Variants in HIVEP1 observed in about 807,000 individuals in gnomAD.
HIVEP1 encodes zinc finger protein 40.
HIVEP1 carries 36 observed loss-of-function variants against 180.0 expected under a neutral mutation model. The observed-to-expected ratio is 0.20, with a 90% CI of 0.15 to 0.26. The LOEUF is 0.26. HIVEP1 is among the 10% of genes least tolerant of loss of function. The pLI, the probability that HIVEP1 is intolerant of heterozygous loss-of-function variation, is 1.00. For synonymous variants in HIVEP1, 1,239 were observed against 1,239.0 expected (o/e 1.00, Z 0.00); for missense variants, 3,143 against 3,268.7 (o/e 0.96, Z 0.94).
the HIVEP1 span, among the ~76,000 whole-genome samples, chr6:12,211,210 T>G: frequency 7.7e-4 from 98 of 127,872 alleles, 4 homozygotes; most frequent in Non-Finnish European, 1.2e-3. Context: ...CCATCCTGGC[T>G]AACACGGTGA....
Position 12,164,325 on chromosome 6 carries a change from A to G in HIVEP1, c.8021A>G (p.Lys2674Arg). 6.2e-7 allele frequency: 1 copy of G among 1,613,988 alleles called. No individual in the cohort carries two copies. The highest frequency in any genetic ancestry group is 8.5e-7 in the Non-Finnish European group (1 of 1,180,006). The change falls in exon 9 of 9, where the codon AAG becomes AGG. Residue 2674 changes from lysine (K) to arginine (R), a missense_variant. This residue lies in a region of HIVEP1 where 595 missense variants were observed against 602.2 expected (regional missense o/e 0.99). Coordinates refer to ENST00000379388, the MANE Select transcript of HIVEP1 (RefSeq NM_002114.4). ...AAGGCACATTCTGAAGTTTTTACAAAGCCCTCAGGCCAGCAGACTCTCTCT... is the reference window on the plus strand; with the variant it reads ...AAGGCACATTCTGAAGTTTTTACAAGGCCCTCAGGCCAGCAGACTCTCTCT... ...LLKAHSEVFT[K>R]PSGQQTLSPD...
intron 3 of HIVEP1, among the ~76,000 whole-genome samples, chr6:12,110,549 G>A (rs547561380): frequency 2.6e-5 from 4 of 152,334 alleles, no homozygotes; most frequent in African/African-American, 9.6e-5. Flanking sequence ...TCTGCTAGCT[G>A]TCAGCCTTTC....
chr6:12,107,974 C>T (rs1410099672), intron 3 of HIVEP1, among the ~76,000 whole-genome samples: 2 of 152,178 alleles, frequency 1.3e-5, no homozygotes, highest in East Asian at 3.9e-4. Context: ...TTCTCGAAGG[C>T]CCCACCAGAG....
At chr6:12,194,027 C>T in the HIVEP1 span, among the ~76,000 whole-genome samples, 3 of 147,844 alleles carry the variant, frequency 2.0e-5, no homozygotes, top group Admixed American at 7.0e-5. Flanking sequence ...GCAATTGAGT[C>T]CTTGAAATGG....
chr6:12,129,628 C>A, intron 4 of HIVEP1, 131 bp from the exon 5 acceptor site: 1 of 749,024 alleles, frequency 1.3e-6, no homozygotes, highest in East Asian at 2.7e-5. Context: ...CCCTTTGAAC[C>A]TATTACTACT....
chr6:12,017,722 C>T (rs1247336858), intron 2 of HIVEP1, among the ~76,000 whole-genome samples: 1 of 152,214 alleles, frequency 6.6e-6, no homozygotes, highest in Admixed American at 6.5e-5. Context: ...CAGGTCCCCA[C>T]TAGATTAGCT....
In HIVEP1 at chr6:12,120,331, G is replaced by A. The variant is rs1226445558; in HGVS notation, c.536G>A (p.Cys179Tyr). ...AAAACCAGGACTGACAATAGCGAATGCATCTCTTCTCATTGTGGCACTACG... is the reference window on the plus strand; with the variant it reads ...AAAACCAGGACTGACAATAGCGAATACATCTCTTCTCATTGTGGCACTACG... ...SSKTRTDNSE[C>Y]ISSHCGTTSP... Residue 179 changes from cysteine to tyrosine, a missense_variant, in exon 4 of 9, where the codon TGC becomes TAC. Transcript: ENST00000379388. 6.2e-7 allele frequency: 1 copy of A among 1,614,162 alleles called. No homozygotes were observed. The highest frequency in any genetic ancestry group is 1.1e-5 in the South Asian group (1 of 91,080).
intron 3 of HIVEP1, among the ~76,000 whole-genome samples, chr6:12,113,432 T>C (rs1561952475): frequency 6.6e-6 from 1 of 151,938 alleles, no homozygotes; most frequent in African/African-American, 2.4e-5. Context: ...GGAGAAAGTT[T>C]ACCGCAGGCT....
At chr6:12,211,386 C>A in the HIVEP1 span, among the ~76,000 whole-genome samples, 2 of 66,546 alleles carry the variant, frequency 3.0e-5, no homozygotes, top group Admixed American at 1.6e-4. Flanking sequence ...GGTGACAGAG[C>A]GAGACTCTGT....
chr6:12,130,293 T>G (rs946011852), intron 5 of HIVEP1, among the ~76,000 whole-genome samples: 2 of 152,222 alleles, frequency 1.3e-5, no homozygotes, highest in Non-Finnish European at 2.9e-5. Context: ...CTCCAAAATA[T>G]TTCAGTACTT....
intron 7 of HIVEP1, among the ~76,000 whole-genome samples, chr6:12,159,211 C>T (rs184954355): frequency 1.1e-3 from 173 of 151,928 alleles, no homozygotes; most frequent in African/African-American, 3.6e-3. Context: ...TGTGTGTGCG[C>T]GCGCGCGTGC....
At chr6:12,107,449 A>T (rs1437500882) in intron 3 of HIVEP1, among the ~76,000 whole-genome samples, 2 of 152,180 alleles carry the variant, frequency 1.3e-5, no homozygotes, top group African/African-American at 4.8e-5. Context: ...TGGTGGCTAA[A>T]GGTTGGGTGG....
At chr6:12,180,032 TATTGA>T in the HIVEP1 span, among the ~76,000 whole-genome samples, 1 of 152,338 alleles carries the variant, frequency 6.6e-6, no homozygotes. Context: ...GCACTCAAGA[TATTGA>T]ATAGCATTTG....
chr6:12,110,294 C>T (rs997715376), intron 3 of HIVEP1, among the ~76,000 whole-genome samples: 1 of 152,224 alleles, frequency 6.6e-6, no homozygotes, highest in South Asian at 2.1e-4. Flanking sequence ...TCAGCCTGTC[C>T]TTTGAAGCTT....
Position 12,124,858 on chromosome 6 carries a change from C to T in HIVEP1, c.5063C>T (p.Thr1688Ile). Residue 1688 changes from threonine (T) to isoleucine (I), a missense_variant, in exon 4 of 9, where the codon ACA (threonine) becomes ATA (isoleucine). This residue lies in a region of HIVEP1 where 1,357 missense variants were observed against 1,260.5 expected (regional missense o/e 1.08). Transcript: ENST00000379388. ...PISEEQNSVP[T>I]LQKGHQNALP... ...AGTGAAGAACAAAATTCTGTGCCAACATTACAAAAAGGTCATCAGAATGCT... is the reference window on the plus strand; with the variant it reads ...AGTGAAGAACAAAATTCTGTGCCAATATTACAAAAAGGTCATCAGAATGCT... The T allele has an allele frequency of 6.2e-7, 1 of 1,614,154 alleles. No homozygotes were observed. Among genetic ancestry groups the T allele is most frequent in the Non-Finnish European group, 8.5e-7 (1 of 1,180,024 alleles).
At chr6:12,051,020 ATATATATATATG>A (rs1770496291) in intron 2 of HIVEP1, among the ~76,000 whole-genome samples, 2 of 138,460 alleles carry the variant, frequency 1.4e-5, no homozygotes, top group African/African-American at 2.8e-5. Flanking sequence ...ATATATATAT[ATATATATATATG>A]TATATTAAAA....
intron 2 of HIVEP1, among the ~76,000 whole-genome samples, chr6:12,078,351 A>T (rs751736811): frequency 7.2e-5 from 11 of 152,118 alleles, no homozygotes; most frequent in Non-Finnish European, 1.2e-4. Context: ...CCTCTGCCCC[A>T]GTACCAGTAG....
chr6:12,166,791 C>T (rs1760709354), downstream of HIVEP1, among the ~76,000 whole-genome samples: 1 of 152,064 alleles, frequency 6.6e-6, no homozygotes, highest in Non-Finnish European at 1.5e-5. Flanking sequence ...GAGACCCAGG[C>T]CTGTAGAGAA....
chr6:12,145,190 A>G (rs7449638), intron 7 of HIVEP1, among the ~76,000 whole-genome samples: 27,197 of 152,234 alleles, frequency 0.18, 2,929 homozygotes, highest in East Asian at 0.46. Context: ...CTCTGCAGCC[A>G]TAAAAAAGGA....
Sources: allele counts gnomAD v4.1 joint callset (sites outside exome capture counted in the v4.1 genomes callset), GRCh38; gene constraint gnomAD v4.1.1; regional missense constraint gnomAD v4.1.1; transcripts MANE v1.5; gene names NCBI Gene and HGNC (gene_info 2026-07-23, HGNC 2026-07-21).